The following INO80 variants were observed in gnomAD, a reference collection of about 807,000 sequenced individuals.
INO80 encodes INO80 complex ATPase subunit, also known as chromatin-remodeling ATPase INO80.
Under a neutral mutation model 203.4 loss-of-function variants are expected in INO80, and 20 were observed. That is an observed-to-expected ratio of 0.10 (90% CI 0.07 to 0.14). INO80 has a LOEUF of 0.14. Ranked by LOEUF, INO80 falls within the 10% of genes least tolerant of loss-of-function variation. The probability of loss-of-function intolerance (pLI) is 1.00; values close to 1 mark genes in which losing one functional copy is unlikely to be tolerated. For missense variants in INO80, 1,419 were observed against 1,914.4 expected (o/e 0.74, Z 4.83); for synonymous variants, 726 against 685.2 (o/e 1.06, Z -0.93).
chr15:41,094,567 A>G (rs1326608631), intron 4 of INO80, among the ~76,000 whole-genome samples: 1 of 152,226 alleles, frequency 6.6e-6, no homozygotes, highest in Non-Finnish European at 1.5e-5. Flanking sequence ...TACCTGGCAC[A>G]TGCACATGGA....
chr15:41,106,383 C>CAAAA (rs369784846), intron 1 of INO80, among the ~76,000 whole-genome samples: 1 of 83,912 alleles, frequency 1.2e-5, no homozygotes, highest in Admixed American at 1.3e-4. Flanking sequence ...GACCCTGTCT[C>CAAAA]AAAAAAAAAA....
intron 24 of INO80, among the ~76,000 whole-genome samples, chr15:41,033,148 G>A (rs1054715959): frequency 5.3e-5 from 8 of 152,134 alleles, no homozygotes; most frequent in Admixed American, 4.6e-4. Flanking sequence ...ATCAATACTG[G>A]TACTGTACTC....
At chr15:41,051,882 C>T (rs2044879230) in intron 19 of INO80, among the ~76,000 whole-genome samples, 3 of 152,036 alleles carry the variant, frequency 2.0e-5, no homozygotes, top group Admixed American at 2.0e-4. Context: ...CGCTTGAATC[C>T]GGCAGGCGGA....
chr15:41,095,318 G>A (rs1229893920), intron 4 of INO80, among the ~76,000 whole-genome samples: 1 of 152,190 alleles, frequency 6.6e-6, no homozygotes, highest in Non-Finnish European at 1.5e-5. Context: ...TCCAGCTTGG[G>A]CAACAAGAGC....
chr15:41,050,309 T>A (rs1404989485), intron 19 of INO80, among the ~76,000 whole-genome samples: 1 of 152,110 alleles, frequency 6.6e-6, no homozygotes, highest in Non-Finnish European at 1.5e-5. Context: ...ACTCATTCCA[T>A]TTGCTTTCCC....
chr15:41,062,825 T>G (rs564204680), intron 14 of INO80, among the ~76,000 whole-genome samples: 6 of 152,328 alleles, frequency 3.9e-5, no homozygotes, highest in African/African-American at 1.4e-4. Context: ...TCTCAGGCCC[T>G]CTGGAACTAT....
In INO80 at chr15:41,053,994, T is replaced by C; in HGVS notation, c.2209A>G (p.Met737Val). The stretch of plus-strand genomic sequence containing the variant: ...CTCAGCATAAATGGCTTCAAAATCA[T>C]GTGTAAGCGAGAAAGTTGATCTGAA... ...IDENQLSRLH[M>V]ILKPFMLRRI... The change falls in exon 19 of 36, where the codon ATG becomes GTG. Residue 737 changes from methionine to valine, a missense_variant. Met to Val is a conservative substitution (Grantham distance 21, BLOSUM62 1). This residue lies in a region of INO80 where 192 missense variants were observed against 406.7 expected (regional missense o/e 0.47). Coordinates refer to ENST00000648947, the MANE Select transcript of INO80 (RefSeq NM_017553.3). The C allele has an allele frequency of 6.2e-7, 1 of 1,613,832 alleles. No homozygotes were observed. The highest frequency in any genetic ancestry group is 8.5e-7 in the Non-Finnish European group (1 of 1,179,858).
In INO80 at chr15:41,081,338, G is replaced by A. The variant is rs183538174; in HGVS notation, c.874-265C>T. ...TGGGAAGATGTTAAGTTACATGTAA[G>A]GCTTGAAGTGGACTAGAAAAATGTT... On this transcript the variant is annotated intron_variant, in intron 7 of 35. Coordinates refer to ENST00000648947, the MANE Select transcript of INO80 (RefSeq NM_017553.3). 1.4e-4 allele frequency among the ~76,000 whole-genome samples: 22 copies of A among 152,298 alleles called. 1 individual carries two copies. Among genetic ancestry groups the A allele is most frequent in the African/African-American group, 5.1e-4 (21 of 41,560 alleles).
chr15:40,984,182 T>TA lies in INO80; in HGVS notation c.4077+14dup. The stretch of plus-strand genomic sequence containing the variant: ...TCCTTACGGCTGTGATGCAGGCATC[T>TA]AAAAGGAGCCTCACCTCACTGAAAG... On this transcript the variant is annotated intron_variant, in intron 33 of 35. Transcript: ENST00000648947. 6.2e-7 allele frequency: 1 copy of TA among 1,612,106 alleles called. No homozygotes were observed. Among genetic ancestry groups the TA allele is most frequent in the Admixed American group, 1.7e-5 (1 of 59,742 alleles).
At chr15:41,091,054 A>C (rs2045633840) in intron 5 of INO80, among the ~76,000 whole-genome samples, 3 of 151,410 alleles carry the variant, frequency 2.0e-5, no homozygotes, top group Admixed American at 2.0e-4. Flanking sequence ...CCTCCTGAGT[A>C]CCTGGGATTA....
chr15:41,110,874 T>C (rs571738520), intron 1 of INO80, among the ~76,000 whole-genome samples: 1 of 152,248 alleles, frequency 6.6e-6, no homozygotes, highest in Non-Finnish European at 1.5e-5. Context: ...GGAGATTGAT[T>C]TTATATTTAG....
In INO80 at chr15:40,992,888, G is replaced by A. The variant is rs189538767; in HGVS notation, c.3570+4641C>T. Among the ~76,000 whole-genome samples the A allele has an allele frequency of 2.5e-4, 38 of 152,262 alleles. 1 individual carries two copies. Among genetic ancestry groups the A allele is most frequent in the African/African-American group, 8.7e-4 (36 of 41,536 alleles). ...GCTCACTGCAGTCTTGACCTTCTGG[G>A]CCCAAGCAAACCTCCCACCTCAGCC... On this transcript the variant is annotated intron_variant, in intron 29 of 35. Transcript: ENST00000648947.
At chr15:41,065,428 CTG>C (rs2045192684) in intron 14 of INO80, among the ~76,000 whole-genome samples, 1 of 152,072 alleles carries the variant, frequency 6.6e-6, no homozygotes, top group Non-Finnish European at 1.5e-5. Flanking sequence ...GAGCAAGACT[CTG>C]TGTCATAAAA....
rs1000133827 is a variant in INO80 at position 41,116,260 on chromosome 15, G to T, written c.-331C>A. 4 of 399,192 alleles carry T rather than the reference G, an allele frequency of 1.0e-5. No individual in the cohort carries two copies. Among genetic ancestry groups the T allele is most frequent in the Non-Finnish European group, 1.8e-5 (4 of 226,936 alleles). 24.7% of individuals were successfully genotyped at this position (399,192 alleles called of 1,614,324 possible). ...GAGCAGGGACACGGGGAGCCATGGC[G>T]GGGGGGAGGAGAGGCGCCATAGCCA... On this transcript the variant is annotated 5_prime_UTR_variant, in exon 1 of 36. Coordinates refer to ENST00000648947, the MANE Select transcript of INO80 (RefSeq NM_017553.3).
rs1202566275 is a variant in INO80 at position 40,983,273 on chromosome 15, AAAC to A, written c.4238-199_4238-197del. 8.7e-6 allele frequency: 5 copies of A among 575,806 alleles called. No homozygotes were observed. The Admixed American group carries it at 1.5e-4, about 18-fold the overall frequency. The allele number at this position is 575,806 out of a possible 1,614,324, so 35.7% of individuals were successfully genotyped here. A position where few individuals can be genotyped will look rare whatever the true frequency, so the allele number is the denominator to read the frequency against. ...GAATACTAAGAATTCTAAACAATGAAAACATCCTAACTCCTCAAGCTGCTTTTC... is the reference window on the plus strand; with the variant it reads ...GAATACTAAGAATTCTAAACAATGAAATCCTAACTCCTCAAGCTGCTTTTC... On this transcript the variant is annotated intron_variant, in intron 34 of 35. Transcript: ENST00000648947.
At chr15:41,085,643 T>C in intron 6 of INO80, 60 bp from the exon 7 acceptor site, 1 of 1,349,574 alleles carries the variant, frequency 7.4e-7, no homozygotes, top group Non-Finnish European at 1.1e-6. Context: ...CAAAGCAACC[T>C]CATGACTTAA....
intron 32 of INO80, among the ~76,000 whole-genome samples, chr15:40,984,675 G>A (rs1400959283): frequency 1.3e-5 from 2 of 150,934 alleles, no homozygotes; most frequent in African/African-American, 2.4e-5. Flanking sequence ...CACAATAATA[G>A]AGTTTAAAGT....
Position 40,982,966 on chromosome 15 carries a change from C to G in INO80, c.4349G>C (p.Arg1450Pro). ...TAKGAGKGRS[R>P]KSTAGSAAAM... The stretch of plus-strand genomic sequence containing the variant: ...AGCAGCACTGCCTGCCGTGGACTTT[C>G]GGCTCCGGCCCTTCCCTGCTCCTTT... Residue 1450 changes from arginine (R) to proline (P), a missense_variant, in exon 35 of 36, where the codon CGA (arginine) becomes CCA (proline). Around this residue, in one of 9 missense-constraint regions of INO80, gnomAD observed 214 missense variants for 248.9 expected, o/e 0.86. Coordinates refer to ENST00000648947, the MANE Select transcript of INO80 (RefSeq NM_017553.3). 6.2e-7 allele frequency: 1 copy of G among 1,614,212 alleles called. No individual in the cohort carries two copies.
At chr15:41,054,685 C>T (rs931694370) in intron 18 of INO80, among the ~76,000 whole-genome samples, 2 of 152,168 alleles carry the variant, frequency 1.3e-5, no homozygotes, top group Admixed American at 6.6e-5. Flanking sequence ...ATCACCCAGG[C>T]TGGAGTGCAA....
Sources: gnomAD v4.1 joint callset for allele counts (sites outside exome capture counted in the v4.1 genomes callset) on GRCh38, gnomAD v4.1.1 for gene constraint, gnomAD v4.1.1 regional missense constraint, MANE v1.5 for transcripts, NCBI Gene and HGNC (gene_info 2026-07-23, HGNC 2026-07-21) for gene names.